Variants in PARD3B observed in about 807,000 individuals in gnomAD.
The protein encoded by PARD3B is par-3 family cell polarity regulator beta.
A neutral mutation model predicts 130.2 loss-of-function variants in PARD3B; 103 were observed. That is an observed-to-expected ratio of 0.79 (90% CI 0.67 to 0.93). PARD3B has a LOEUF of 0.93. PARD3B is among the 40% of genes least tolerant of loss of function. PARD3B has a pLI of 0.00. For missense variants in PARD3B, 1,609 were observed against 1,499.2 expected (o/e 1.07, Z -1.21); for synonymous variants, 583 against 553.2 (o/e 1.05, Z -0.76).
Position 205,405,001 on chromosome 2 carries a change from A to G in PARD3B, c.2741+3878A>G, listed in dbSNP as rs2046371578. Among the ~76,000 whole-genome samples, 1 of 152,154 alleles carries G rather than the reference A, an allele frequency of 6.6e-6. No individual in the cohort carries two copies. The highest frequency in any genetic ancestry group is 2.1e-4 in the South Asian group (1 of 4,828). ...TTATATTCTCTCTCCCCATTCATCT[A>G]ATTTTTTTGTGCTGATTTTCATATC... On this transcript the variant is annotated intron_variant, in intron 19 of 22. Transcript: ENST00000406610. This position sits in a 1 kb window ranked among gnomAD's most constrained non-coding sequence, Gnocchi z 4.1.
intron 18 of PARD3B, among the ~76,000 whole-genome samples, chr2:205,355,401 T>C (rs915298842): frequency 6.6e-6 from 1 of 152,140 alleles, no homozygotes; most frequent in Non-Finnish European, 1.5e-5. Flanking sequence ...GTAACAGAAA[T>C]GAAAAAATAA....
At chr2:204,740,045 C>G (rs191721041) in intron 2 of PARD3B, among the ~76,000 whole-genome samples, 2 of 151,760 alleles carry the variant, frequency 1.3e-5, no homozygotes, top group South Asian at 2.1e-4. Flanking sequence ...CTCAGTCACT[C>G]TCTCATCACC....
chr2:204,781,055 G>C (rs962879455), intron 2 of PARD3B, among the ~76,000 whole-genome samples: 3 of 152,120 alleles, frequency 2.0e-5, no homozygotes, highest in Non-Finnish European at 2.9e-5. Context: ...GGCAGTGCTT[G>C]AAGAGGGTTT....
At chr2:205,285,092 T>G (rs532320070) in intron 16 of PARD3B, among the ~76,000 whole-genome samples, 55 of 152,242 alleles carry the variant, frequency 3.6e-4, no homozygotes, top group African/African-American at 1.0e-3. Flanking sequence ...TTTTATATTT[T>G]TATTGTAAGT....
chr2:205,529,034 A>C (rs904584267), intron 21 of PARD3B, among the ~76,000 whole-genome samples: 1 of 152,224 alleles, frequency 6.6e-6, no homozygotes, highest in Non-Finnish European at 1.5e-5. Context: ...GCATTAAAAA[A>C]AAAAATTAAC....
intron 1 of PARD3B, among the ~76,000 whole-genome samples, chr2:204,591,958 A>G (rs540201290): frequency 3.2e-4 from 49 of 152,344 alleles, no homozygotes; most frequent in African/African-American, 1.2e-3. Flanking sequence ...TCTTTTAAAT[A>G]TATGTATTTC....
At chr2:204,894,826 A>G (rs2046585159) in intron 2 of PARD3B, among the ~76,000 whole-genome samples, 1 of 152,108 alleles carries the variant, frequency 6.6e-6, no homozygotes. Flanking sequence ...GATAAAATGA[A>G]CTAAGGTAAT....
chr2:204,550,024 C>T (rs528176436), intron 1 of PARD3B, among the ~76,000 whole-genome samples: 1 of 152,064 alleles, frequency 6.6e-6, no homozygotes, highest in South Asian at 2.1e-4. Context: ...TTAAAGAATT[C>T]TTCCTATAGA....
At chr2:204,909,239 T>C (rs1183073119) in intron 2 of PARD3B, among the ~76,000 whole-genome samples, 1 of 152,174 alleles carries the variant, frequency 6.6e-6, no homozygotes, top group Non-Finnish European at 1.5e-5. Flanking sequence ...GCACATAATG[T>C]TACAGAAATT....
intron 3 of PARD3B, among the ~76,000 whole-genome samples, chr2:204,966,992 G>A (rs1484234298): frequency 6.6e-6 from 1 of 152,192 alleles, no homozygotes; most frequent in South Asian, 2.1e-4. Flanking sequence ...GCTATTAGGT[G>A]GCAGAGCCAG....
chr2:205,114,294 TA>T (rs1246502704), intron 6 of PARD3B, among the ~76,000 whole-genome samples: 4 of 152,264 alleles, frequency 2.6e-5, no homozygotes, highest in African/African-American at 9.6e-5. Context: ...TTACCCCTGT[TA>T]AAACAATTGT....
intron 2 of PARD3B, among the ~76,000 whole-genome samples, chr2:204,706,463 T>G (rs2038165215): frequency 6.6e-6 from 1 of 151,842 alleles, no homozygotes; most frequent in Non-Finnish European, 1.5e-5. Context: ...AAAGTCAAAA[T>G]GCCAGTGACA....
At chr2:204,637,743 C>T (rs4675470) in intron 1 of PARD3B, among the ~76,000 whole-genome samples, 102,558 of 148,328 alleles carry the variant, frequency 0.69, 35,286 homozygotes, top group East Asian at 0.77. Context: ...TTTTTTTTTT[C>T]CCTCTGTCCC....
chr2:205,190,891 T>G (rs1477936410), intron 14 of PARD3B, among the ~76,000 whole-genome samples: 1 of 152,036 alleles, frequency 6.6e-6, no homozygotes, highest in African/African-American at 2.4e-5. Context: ...AATTCTTCTA[T>G]AAAATGGGCT....
chr2:204,686,110 T>A, intron 1 of PARD3B, 71 bp from the exon 2 acceptor site: 1 of 1,058,166 alleles, frequency 9.5e-7, no homozygotes, highest in African/African-American at 1.6e-5. Context: ...AACTTATGTC[T>A]CTTAACATTA....
chr2:205,155,040 T>C (rs1357188440), intron 10 of PARD3B, among the ~76,000 whole-genome samples: 1 of 144,866 alleles, frequency 6.9e-6, no homozygotes, highest in Non-Finnish European at 1.5e-5. Context: ...ACTTAAAGTA[T>C]AATAATAATA....
At chr2:204,932,608 T>C (rs970973282) in intron 2 of PARD3B, among the ~76,000 whole-genome samples, 32 of 152,168 alleles carry the variant, frequency 2.1e-4, no homozygotes, top group African/African-American at 7.5e-4. Flanking sequence ...AGAATAGATA[T>C]CTAAATAATT....
At chr2:205,354,838 T>TA (rs537426021) in intron 18 of PARD3B, among the ~76,000 whole-genome samples, 430 of 152,242 alleles carry the variant, frequency 2.8e-3, no homozygotes, top group African/African-American at 1.0e-2. Context: ...AGGTAAACCT[T>TA]ATGCAGGTTG....
chr2:205,494,304 T>C (rs1030437638), intron 20 of PARD3B, among the ~76,000 whole-genome samples: 2 of 152,190 alleles, frequency 1.3e-5, no homozygotes, highest in Non-Finnish European at 2.9e-5. Flanking sequence ...CACAGATAAT[T>C]CCCAGGTCCC....
Sources: gnomAD v4.1 joint callset for allele counts (sites outside exome capture counted in the v4.1 genomes callset) on GRCh38, gnomAD v4.1.1 for gene constraint, Gnocchi (gnomAD v3.1) non-coding constraint, MANE v1.5 for transcripts, NCBI Gene and HGNC (gene_info 2026-07-23, HGNC 2026-07-21) for gene names.